The following PEX26 variants were observed in gnomAD, a reference collection of about 807,000 sequenced individuals.
PEX26 encodes the protein peroxisome assembly protein 26.
PEX26 carries 18 observed loss-of-function variants against 31.4 expected under a neutral mutation model. The observed-to-expected ratio is 0.57, with a 90% CI of 0.40 to 0.85. The LOEUF (loss-of-function observed/expected upper bound fraction) is 0.85, where lower values mean the gene tolerates loss of function less well. Among genes scored for constraint, PEX26 ranks in the 40% least tolerant of loss-of-function variants. PEX26 has a pLI of 0.00. For missense variants in PEX26, 377 were observed against 383.9 expected, an observed-to-expected ratio of 0.98 and a Z score of 0.15; for synonymous variants, 176 against 166.9, an observed-to-expected ratio of 1.05 and a Z score of -0.42.
intron 3 of PEX26, among the ~76,000 whole-genome samples, chr22:18,084,874 C>G (rs1176989369): frequency 2.0e-5 from 3 of 151,988 alleles, no homozygotes; most frequent in Admixed American, 2.0e-4. Context: ...AGGCGCACAC[C>G]ACCACGCCTG....
chr22:18,078,027 C>T lies in PEX26; in HGVS notation c.-350C>T, dbSNP rs1241372377. 2 of 479,118 alleles carry T rather than the reference C, an allele frequency of 4.2e-6. No individual in the cohort carries two copies. The highest frequency in any genetic ancestry group is 8.2e-6 in the Non-Finnish European group (2 of 245,242). The allele number at this position is 479,118 out of a possible 1,614,324, so 29.7% of individuals were successfully genotyped here. ...GGCTGGGCGAGCGCAAAGATGTCCG[C>T]GCCCGCTGCCGGGAGGCGAGGTGAG... On this transcript the variant is annotated 5_prime_UTR_variant, in exon 1 of 5. Transcript: ENST00000399744.
chr22:18,094,844 G>A lies in PEX26; in HGVS notation c.*6769G>A, dbSNP rs1224591944. 6.7e-6 allele frequency: 1 copy of A among 149,976 alleles called. No homozygotes were observed. Among genetic ancestry groups the A allele is most frequent in the Non-Finnish European group, 1.5e-5 (1 of 67,754 alleles). The allele number at this position is 149,976 out of a possible 1,614,324, so 9.3% of individuals were successfully genotyped here. On this transcript the variant is annotated 3_prime_UTR_variant, in exon 5 of 5. Transcript: ENST00000399744. ...CACCTAGGCTGGAGTGCAGTGGTGCGATCTCGGCTCACTGCACCCTCCTCT... is the reference window on the plus strand; with the variant it reads ...CACCTAGGCTGGAGTGCAGTGGTGCAATCTCGGCTCACTGCACCCTCCTCT...
At position 18,095,081 on chromosome 22, in the gene PEX26, A is replaced by G. The variant is rs1196618243; in HGVS notation, c.*7006A>G. ...AGGCCAAGTAATAAAGATTTGTTGA[A>G]TGAACTTGGATTTTGGCCTTAGGAA... On this transcript the variant is annotated 3_prime_UTR_variant, in exon 5 of 5. Coordinates refer to ENST00000399744, the MANE Select transcript of PEX26 (RefSeq NM_001127649.3). 6 of 152,200 alleles carry G rather than the reference A, an allele frequency of 3.9e-5. No homozygotes were observed. The highest frequency in any genetic ancestry group is 1.4e-4 in the African/African-American group (6 of 41,418). 9.4% of individuals were successfully genotyped at this position (152,200 alleles called of 1,614,324 possible).
Position 18,078,422 on chromosome 22 carries a change from G to A in PEX26, c.46G>A (p.Gly16Arg). 1 of 1,591,434 alleles carries A rather than the reference G, an allele frequency of 6.3e-7. No homozygotes were observed. Among genetic ancestry groups the A allele is most frequent in the Non-Finnish European group, 8.5e-7 (1 of 1,172,228 alleles). ...STSAAPLRGL[G>R]GPLRSSEPVR... ...CTCTGCAGCCCCCCTCAGGGGGCTCGGGGGACCCCTGCGCAGCAGCGAGCC... is the reference window on the plus strand; with the variant it reads ...CTCTGCAGCCCCCCTCAGGGGGCTCAGGGGACCCCTGCGCAGCAGCGAGCC... The change falls in exon 1 of 5, where the codon GGG (glycine) becomes AGG (arginine). Residue 16 changes from glycine (G) to arginine (R), a missense_variant. By Grantham distance (125) the Gly-to-Arg change is moderately radical. Coordinates refer to ENST00000399744, the MANE Select transcript of PEX26 (RefSeq NM_001127649.3).
Position 18,101,379 on chromosome 22 carries a change from G to A in PEX26, c.*13304G>A, listed in dbSNP as rs1927446728. The A allele has an allele frequency of 6.6e-6, 1 of 152,192 alleles. No homozygotes were observed. Among genetic ancestry groups the A allele is most frequent in the Non-Finnish European group, 1.5e-5 (1 of 68,114 alleles). 9.4% of individuals were successfully genotyped at this position (152,192 alleles called of 1,614,324 possible). A position where few individuals can be genotyped will look rare whatever the true frequency, so the allele number is the denominator to read the frequency against. The stretch of plus-strand genomic sequence containing the variant: ...GTCAAAAACCCCATTGAGGTTGAAG[G>A]ACTGGAAACTGACCTGTGTGAAAAA... On this transcript the variant is annotated 3_prime_UTR_variant, in exon 5 of 5. Transcript: ENST00000399744.
At chr22:18,083,375 A>G in intron 2 of PEX26, 62 bp from the exon 3 acceptor site, 1 of 1,542,856 alleles carries the variant, frequency 6.5e-7, no homozygotes, top group Non-Finnish European at 9.0e-7. Context: ...GTCATGGGAA[A>G]TGAACCAATC....
At position 18,099,709 on chromosome 22, in the gene PEX26, C is replaced by T. The variant is rs1462617179; in HGVS notation, c.*11634C>T. Reference sequence around the variant, plus strand: ...TCTGAAGGCCAGAAGTCAGCCAAAGCCTCTGCCTCTGAAGGCTGTAGGCAA... The same window carrying T: ...TCTGAAGGCCAGAAGTCAGCCAAAGTCTCTGCCTCTGAAGGCTGTAGGCAA... On this transcript the variant is annotated 3_prime_UTR_variant, in exon 5 of 5. Transcript: ENST00000399744. 1.3e-5 allele frequency: 2 copies of T among 152,222 alleles called. No homozygotes were observed. The highest frequency in any genetic ancestry group is 4.8e-5 in the African/African-American group (2 of 41,470). The allele number at this position is 152,222 out of a possible 1,614,324, so 9.4% of individuals were successfully genotyped here.
intron 1 of PEX26, chr22:18,079,180 A>G: frequency 1.0e-6 from 1 of 984,506 alleles, no homozygotes; most frequent in South Asian, 4.7e-5. Context: ...ACCAAAAAGA[A>G]GAAAAAGAAA....
At position 18,088,612 on chromosome 22, in the gene PEX26, C is replaced by G. The variant is rs1926947014; in HGVS notation, c.*537C>G. ...TGGCCAACATGGTGAAACCCCATCTCTACTAAAAATACAAAAATTAGCTAG... is the reference window on the plus strand; with the variant it reads ...TGGCCAACATGGTGAAACCCCATCTGTACTAAAAATACAAAAATTAGCTAG... On this transcript the variant is annotated 3_prime_UTR_variant, in exon 5 of 5. Transcript: ENST00000399744. The surrounding 1 kb of genome is among the most constrained non-coding windows in gnomAD (Gnocchi z 4.1). The G allele has an allele frequency of 1.9e-5, 4 of 209,636 alleles. No homozygotes were observed. The highest frequency in any genetic ancestry group is 9.2e-5 in the African/African-American group (4 of 43,506). The allele number at this position is 209,636 out of a possible 1,614,324, so 13.0% of individuals were successfully genotyped here.
At position 18,078,204 on chromosome 22, in the gene PEX26, G is replaced by T. The variant is rs1485691130; in HGVS notation, c.-173G>T. ...CAGCCTCCAGGCGAGCCCAGCTTTT[G>T]CCTCAGATAGGCCCCTTCCTTTTCC... On this transcript the variant is annotated 5_prime_UTR_variant, in exon 1 of 5. Transcript: ENST00000399744. The T allele has an allele frequency of 1.4e-6, 1 of 705,116 alleles. No homozygotes were observed. Among genetic ancestry groups the T allele is most frequent in the Admixed American group, 2.0e-5 (1 of 49,954 alleles). 43.7% of individuals were successfully genotyped at this position (705,116 alleles called of 1,614,324 possible).
chr22:18,098,557 G>A lies in PEX26; in HGVS notation c.*10482G>A. 1 of 151,474 alleles carries A rather than the reference G, an allele frequency of 6.6e-6. No individual in the cohort carries two copies. The highest frequency in any genetic ancestry group is 1.5e-5 in the Non-Finnish European group (1 of 67,848). The allele number at this position is 151,474 out of a possible 1,614,324, so 9.4% of individuals were successfully genotyped here. On this transcript the variant is annotated 3_prime_UTR_variant, in exon 5 of 5. Coordinates refer to ENST00000399744, the MANE Select transcript of PEX26 (RefSeq NM_001127649.3). The stretch of plus-strand genomic sequence containing the variant: ...TGAGGCAGGAGAATCTCTGGAACCT[G>A]GGAGGCAGAGGTTGCAGTGAGCTGA...
At chr22:18,080,922 C>T (rs61005236) in intron 2 of PEX26, among the ~76,000 whole-genome samples, 3,707 of 152,146 alleles carry the variant, frequency 0.024, 126 homozygotes, top group African/African-American at 0.084. Context: ...CGAACCTCTT[C>T]CCGTCTTCCT....
In PEX26 at chr22:18,097,682, T is replaced by C. The variant is rs1031771924; in HGVS notation, c.*9607T>C. The C allele has an allele frequency of 2.0e-5, 3 of 152,142 alleles. No individual in the cohort carries two copies. The highest frequency in any genetic ancestry group is 4.4e-5 in the Non-Finnish European group (3 of 68,016). 9.4% of individuals were successfully genotyped at this position (152,142 alleles called of 1,614,324 possible). ...TATAAAAAAAACCTGTAGTATATTATGTACTCTGTTTTATTCCTTCCTTTT... is the reference window on the plus strand; with the variant it reads ...TATAAAAAAAACCTGTAGTATATTACGTACTCTGTTTTATTCCTTCCTTTT... On this transcript the variant is annotated 3_prime_UTR_variant, in exon 5 of 5. Coordinates refer to ENST00000399744, the MANE Select transcript of PEX26 (RefSeq NM_001127649.3).
rs1927170290 is a variant in PEX26, at chr22:18,093,160, G to A, written c.*5085G>A. 6.6e-6 allele frequency: 1 copy of A among 152,114 alleles called. No homozygotes were observed. Among genetic ancestry groups the A allele is most frequent in the Non-Finnish European group, 1.5e-5 (1 of 68,028 alleles). 9.4% of individuals were successfully genotyped at this position (152,114 alleles called of 1,614,324 possible). On this transcript the variant is annotated 3_prime_UTR_variant, in exon 5 of 5. Transcript: ENST00000399744. ...AGAGACTGGGATATGTAAAAATTAA[G>A]TATCACAAAAGACCATCACACGATT...
In PEX26 at chr22:18,078,067, C is replaced by T; in HGVS notation, c.-310C>T. ...GGCGAGGTGAGTCTTTGATCGTAACCAGGAGCCCGGAGCTGAGGCAGTTCC... is the reference window on the plus strand; with the variant it reads ...GGCGAGGTGAGTCTTTGATCGTAACTAGGAGCCCGGAGCTGAGGCAGTTCC... On this transcript the variant is annotated 5_prime_UTR_variant, in exon 1 of 5. Coordinates refer to ENST00000399744, the MANE Select transcript of PEX26 (RefSeq NM_001127649.3). The T allele has an allele frequency of 1.8e-6, 1 of 551,286 alleles. No homozygotes were observed. The highest frequency in any genetic ancestry group is 3.5e-6 in the Non-Finnish European group (1 of 289,782). 34.1% of individuals were successfully genotyped at this position (551,286 alleles called of 1,614,324 possible). A position where few individuals can be genotyped will look rare whatever the true frequency, so the allele number is the denominator to read the frequency against.
At chr22:18,080,074 C>G (rs1926493012) in intron 2 of PEX26, 60 bp downstream of exon 2, 6 of 1,545,406 alleles carry the variant, frequency 3.9e-6, no homozygotes. Context: ...TTCATCTCCT[C>G]TCCTAAATAC....
intron 4 of PEX26, among the ~76,000 whole-genome samples, chr22:18,086,293 C>G (rs898959017): frequency 2.0e-5 from 3 of 151,936 alleles, no homozygotes; most frequent in Non-Finnish European, 4.4e-5. Flanking sequence ...GAGCGAAACT[C>G]TGTCTCAAAA....
intron 4 of PEX26, 147 bp downstream of exon 4, chr22:18,085,405 T>C: frequency 1.2e-6 from 1 of 862,598 alleles, no homozygotes; most frequent in South Asian, 1.5e-5. Context: ...CAAGGAGGAA[T>C]TGCTAGACTG....
Position 18,091,117 on chromosome 22 carries a change from C to T in PEX26, c.*3042C>T, listed in dbSNP as rs1927081139. ...CTCCTGGGCTTGAGCAAGTCTTCCC[C>T]TCAGCCTCTGGAGTAGCTGGGCCTA... On this transcript the variant is annotated 3_prime_UTR_variant, in exon 5 of 5. Coordinates refer to ENST00000399744, the MANE Select transcript of PEX26 (RefSeq NM_001127649.3). The T allele has an allele frequency of 6.6e-6, 1 of 152,268 alleles. No individual in the cohort carries two copies. Among genetic ancestry groups the T allele is most frequent in the South Asian group, 2.1e-4 (1 of 4,836 alleles). 9.4% of individuals were successfully genotyped at this position (152,268 alleles called of 1,614,324 possible).
Sources: allele counts gnomAD v4.1 joint callset (sites outside exome capture counted in the v4.1 genomes callset), GRCh38; gene constraint gnomAD v4.1.1; non-coding constraint Gnocchi (gnomAD v3.1); transcripts MANE v1.5; gene names NCBI Gene and HGNC (gene_info 2026-07-23, HGNC 2026-07-21).